Variants in ASPH observed in about 807,000 individuals in gnomAD.
The protein encoded by ASPH is aspartate beta-hydroxylase.
Under a neutral mutation model 118.4 loss-of-function variants are expected in ASPH, and 100 were observed. The ratio of observed to expected loss-of-function variants is 0.84; its 90% CI spans 0.72 to 1.00. ASPH has a LOEUF of 1.00. Among genes scored for constraint, ASPH ranks in the 50% least tolerant of loss-of-function variants. The pLI, the probability that ASPH is intolerant of heterozygous loss-of-function variation, is 0.00. For synonymous variants in ASPH, 315 were observed against 325.6 expected (o/e 0.97, Z 0.35); for missense variants, 920 against 919.5 (o/e 1.00, Z -0.01).
At chr8:61,599,363 T>C (rs1259331066) in intron 14 of ASPH, among the ~76,000 whole-genome samples, 2 of 151,676 alleles carry the variant, frequency 1.3e-5, no homozygotes, top group Admixed American at 1.3e-4. Flanking sequence ...GAGATATACC[T>C]AGTGTAAATG....
At chr8:61,660,197 T>A (rs1588835531) in intron 3 of ASPH, 4 of 152,170 alleles carry the variant, frequency 2.6e-5, no homozygotes, top group Admixed American at 2.6e-4. Context: ...TCCATCTTTA[T>A]GCCCATGAGT....
chr8:61,530,361 C>T lies in ASPH; in HGVS notation c.1765-4249G>A, dbSNP rs578154542. ...TTCTTTCTACGGCAGCACATGGCTT[C>T]ATAAAGCCATCTCAGCATGTGCCTC... On this transcript the variant is annotated intron_variant, in intron 21 of 24. Coordinates refer to ENST00000379454, the MANE Select transcript of ASPH (RefSeq NM_004318.4). Among the ~76,000 whole-genome samples the T allele has an allele frequency of 9.8e-5, 15 of 152,336 alleles. No homozygotes were observed. The South Asian group carries it at 3.1e-3, about 32-fold the overall frequency.
In ASPH at chr8:61,567,311, T is replaced by A; in HGVS notation, c.1157A>T (p.Asp386Val). ...ACTTCTCCTCTTCTCAGCCAAATCA[T>A]CCTCACACTAGAAGAAGTCCCCAGA... The part of the protein sequence containing the change: ...RARYGKAQCE[D>V]DLAEKRRSNE... The change falls in exon 17 of 25, where the codon GAT (aspartate) becomes GTT (valine). Residue 386 changes from aspartate to valine, a missense_variant. Physicochemically the swap from Asp to Val is radical, Grantham distance 152. Transcript: ENST00000379454. 1 of 1,613,652 alleles carries A rather than the reference T, an allele frequency of 6.2e-7. No homozygotes were observed. The highest frequency in any genetic ancestry group is 8.5e-7 in the Non-Finnish European group (1 of 1,179,780).
chr8:61,676,876 T>A (rs1339270228), intron 3 of ASPH, among the ~76,000 whole-genome samples: 1 of 152,002 alleles, frequency 6.6e-6, no homozygotes, highest in Admixed American at 6.6e-5. Flanking sequence ...GGAGTTAATA[T>A]AATTAGCAGT....
In ASPH at chr8:61,643,966, T is replaced by C. The variant is rs1300886728; in HGVS notation, c.688A>G (p.Met230Val). 3 of 1,611,526 alleles carry C rather than the reference T, an allele frequency of 1.9e-6. No homozygotes were observed. Among genetic ancestry groups the C allele is most frequent in the Non-Finnish European group, 2.5e-6 (3 of 1,178,070 alleles). ...QDCNQDMEEM[M>V]SEQENPDSSE... ...AAACCTGGATTTTCCTGCTCAGACA[T>C]CATCTCTTCCATATCCTGATTACAG... Residue 230 changes from methionine (M) to valine (V), a missense_variant, in exon 8 of 25, where the codon ATG becomes GTG. By Grantham distance (21) the Met-to-Val change is conservative. Transcript: ENST00000379454.
At position 61,646,906 on chromosome 8, in the gene ASPH, C is replaced by T. The variant is rs553852364; in HGVS notation, c.491-28G>A. ...ATGACAATGAACAAAGTGACACTGG[C>T]AACATACAACTGAGACATGAAAGCC... On this transcript the variant is annotated intron_variant, in intron 5 of 24. Coordinates refer to ENST00000379454, the MANE Select transcript of ASPH (RefSeq NM_004318.4). 160 of 1,612,872 alleles carry T rather than the reference C, an allele frequency of 9.9e-5. 4 individuals are homozygous for T. Among genetic ancestry groups the T allele is most frequent in the South Asian group, 9.1e-4 (83 of 90,898 alleles).
intron 21 of ASPH, 61 bp downstream of exon 21, chr8:61,548,010 T>C (rs1824542476): frequency 6.7e-7 from 1 of 1,501,380 alleles, no homozygotes. Context: ...ATAAACATTT[T>C]CTGATTTTGA....
intron 14 of ASPH, among the ~76,000 whole-genome samples, chr8:61,584,456 G>A (rs1435244119): frequency 6.6e-6 from 1 of 152,064 alleles, no homozygotes; most frequent in African/African-American, 2.4e-5. Context: ...CTCCTCTCAA[G>A]GAAGTCAAAT....
At chr8:61,622,836 CAT>C (rs1002758685) in intron 13 of ASPH, among the ~76,000 whole-genome samples, 58 of 152,312 alleles carry the variant, frequency 3.8e-4, no homozygotes, top group African/African-American at 9.9e-4. Context: ...AGCTCCCTGA[CAT>C]GTGCACACAG....
intron 9 of ASPH, among the ~76,000 whole-genome samples, 200 bp downstream of exon 9, chr8:61,643,181 TATGGA>T (rs1232151618): frequency 6.6e-6 from 1 of 152,220 alleles, no homozygotes; most frequent in African/African-American, 2.4e-5. Context: ...CCTGTTTTGT[TATGGA>T]ATGGTTAGTT....
chr8:61,610,089 AT>A (rs375267618), intron 14 of ASPH, among the ~76,000 whole-genome samples: 12 of 151,808 alleles, frequency 7.9e-5, no homozygotes, highest in African/African-American at 1.2e-4. Flanking sequence ...CCAATACCTG[AT>A]TTTTTTTTCC....
intron 14 of ASPH, among the ~76,000 whole-genome samples, chr8:61,617,869 G>A (rs1356090200): frequency 1.4e-5 from 2 of 145,796 alleles, no homozygotes; most frequent in Non-Finnish European, 3.0e-5. Context: ...GGAGGAGGAG[G>A]TTGCAGTGAG....
intron 21 of ASPH, among the ~76,000 whole-genome samples, chr8:61,528,372 C>G (rs1816286653): frequency 6.6e-6 from 1 of 152,230 alleles, no homozygotes; most frequent in African/African-American, 2.4e-5. Context: ...CCAACACTCA[C>G]TCTGGATATT....
intron 24 of ASPH, among the ~76,000 whole-genome samples, chr8:61,510,545 C>A (rs536244779): frequency 2.6e-5 from 4 of 152,300 alleles, no homozygotes; most frequent in African/African-American, 9.6e-5. Context: ...TTTCACCAAT[C>A]GGTTCAACAA....
chr8:61,583,721 A>C (rs1838348019), intron 15 of ASPH, among the ~76,000 whole-genome samples: 1 of 152,142 alleles, frequency 6.6e-6, no homozygotes, highest in South Asian at 2.1e-4. Context: ...TGACACCCGC[A>C]TCGGCTGGCC....
chr8:61,638,404 T>C (rs760389475), intron 10 of ASPH, 41 bp from the exon 11 acceptor site: 4 of 1,497,170 alleles, frequency 2.7e-6, no homozygotes, highest in Non-Finnish European at 2.7e-6. Context: ...GTAACTTTCA[T>C]TGTAACACAA....
At chr8:61,557,361 G>A (rs1489673987) in intron 18 of ASPH, among the ~76,000 whole-genome samples, 2 of 152,126 alleles carry the variant, frequency 1.3e-5, no homozygotes, top group Non-Finnish European at 2.9e-5. Flanking sequence ...TCTGAGGCAT[G>A]TTGGACTTCT....
At chr8:61,560,233 T>C (rs913934040) in intron 18 of ASPH, among the ~76,000 whole-genome samples, 3 of 152,132 alleles carry the variant, frequency 2.0e-5, no homozygotes, top group African/African-American at 7.2e-5. Context: ...AACTCCCCAC[T>C]GTAACACCTG....
intron 17 of ASPH, among the ~76,000 whole-genome samples, chr8:61,563,891 AC>A (rs1260600593): frequency 6.6e-6 from 1 of 152,180 alleles, no homozygotes; most frequent in African/African-American, 2.4e-5. Context: ...GCATCTGGGA[AC>A]CCTGTTGTGT....
Sources: allele counts gnomAD v4.1 joint callset (sites outside exome capture counted in the v4.1 genomes callset), GRCh38; gene constraint gnomAD v4.1.1; transcripts MANE v1.5; gene names NCBI Gene and HGNC (gene_info 2026-07-23, HGNC 2026-07-21).